Variants in ADAM18 observed in about 807,000 individuals in gnomAD.
ADAM18 encodes ADAM metallopeptidase domain 18.
Under a neutral mutation model 94.4 loss-of-function variants are expected in ADAM18, and 117 were observed. The ratio of observed to expected loss-of-function variants is 1.24; its 90% CI spans 1.07 to 1.45. The LOEUF is 1.45. ADAM18 is among the 40% of genes most tolerant of loss of function. ADAM18 has a pLI of 0.00. For missense variants in ADAM18, 936 were observed against 880.0 expected (o/e 1.06, Z -0.81); for synonymous variants, 327 against 291.6 (o/e 1.12, Z -1.24).
intron 18 of ADAM18, among the ~76,000 whole-genome samples, chr8:39,713,135 A>C (rs529055531): frequency 5.5e-4 from 83 of 152,228 alleles, no homozygotes; most frequent in South Asian, 6.2e-4. Flanking sequence ...AAATAACACC[A>C]CACATCTACA....
chr8:39,650,731 A>G (rs1200213034), intron 12 of ADAM18, among the ~76,000 whole-genome samples: 5 of 152,220 alleles, frequency 3.3e-5, no homozygotes, highest in Non-Finnish European at 5.9e-5. Flanking sequence ...TACATGTTCA[A>G]TGTAATCTCT....
At chr8:39,683,228 A>T (rs1260965782) in intron 16 of ADAM18, among the ~76,000 whole-genome samples, 1 of 152,242 alleles carries the variant, frequency 6.6e-6, no homozygotes, top group Non-Finnish European at 1.5e-5. Flanking sequence ...GGAAATGAGC[A>T]TGTTAATACA....
intron 17 of ADAM18, among the ~76,000 whole-genome samples, chr8:39,701,503 G>A (rs1325156919): frequency 6.6e-6 from 1 of 151,904 alleles, no homozygotes; most frequent in East Asian, 1.9e-4. Context: ...TTAAGTTCAA[G>A]GGTACGTGTG....
intron 18 of ADAM18, among the ~76,000 whole-genome samples, chr8:39,708,299 CAAAT>C (rs1293805526): frequency 1.3e-5 from 2 of 152,092 alleles, no homozygotes; most frequent in Non-Finnish European, 2.9e-5. Flanking sequence ...TCAATTAACT[CAAAT>C]AAGTTAGAAC....
intron 7 of ADAM18, among the ~76,000 whole-genome samples, chr8:39,633,090 A>G (rs1467975709): frequency 6.6e-6 from 1 of 152,120 alleles, no homozygotes; most frequent in African/African-American, 2.4e-5. Flanking sequence ...ACATAGCAAA[A>G]AGGTCCTCAC....
intron 6 of ADAM18, among the ~76,000 whole-genome samples, chr8:39,614,575 C>A (rs959910657): frequency 1.3e-5 from 2 of 152,084 alleles, no homozygotes; most frequent in Non-Finnish European, 2.9e-5. Flanking sequence ...TTCTTAACAG[C>A]CAGCTAACAA....
chr8:39,635,053 A>G (rs1233184785), intron 7 of ADAM18, among the ~76,000 whole-genome samples: 1 of 152,156 alleles, frequency 6.6e-6, no homozygotes, highest in African/African-American at 2.4e-5. Flanking sequence ...TACAGATGAG[A>G]TTAAGGCCCT....
chr8:39,658,465 T>C (rs972496550), intron 12 of ADAM18, among the ~76,000 whole-genome samples: 2 of 152,068 alleles, frequency 1.3e-5, no homozygotes, highest in Non-Finnish European at 2.9e-5. Flanking sequence ...GCTTTAAAGA[T>C]AGAGGAAAAA....
intron 12 of ADAM18, among the ~76,000 whole-genome samples, chr8:39,660,630 T>G (rs1178770886): frequency 6.6e-6 from 1 of 152,054 alleles, no homozygotes; most frequent in Non-Finnish European, 1.5e-5. Context: ...TAGATGGCAA[T>G]ACAGTATAAT....
At chr8:39,695,472 G>C (rs538851361) in intron 17 of ADAM18, among the ~76,000 whole-genome samples, 61 of 151,508 alleles carry the variant, frequency 4.0e-4, no homozygotes, top group African/African-American at 1.4e-3. Flanking sequence ...TTAATTTGCA[G>C]CTCTCTAATG....
At chr8:39,693,794 A>G (rs1821846569) in intron 17 of ADAM18, among the ~76,000 whole-genome samples, 1 of 151,184 alleles carries the variant, frequency 6.6e-6, no homozygotes. Flanking sequence ...TATATTTTGT[A>G]GTTAAAATGT....
chr8:39,650,083 T>C (rs1209135727), intron 12 of ADAM18, among the ~76,000 whole-genome samples: 2 of 152,170 alleles, frequency 1.3e-5, no homozygotes, highest in South Asian at 4.1e-4. Context: ...AAAAGGGAAT[T>C]TATTGAGTAA....
intron 16 of ADAM18, 59 bp from the exon 17 acceptor site, chr8:39,692,540 GT>G (rs1409304275): frequency 2.0e-5 from 21 of 1,062,276 alleles, no homozygotes; most frequent in African/African-American, 1.5e-4. Flanking sequence ...AATCATTAAT[GT>G]TTTTTCTTGT....
At position 39,645,301 on chromosome 8, in the gene ADAM18, CA is replaced by C. The variant is rs761573976; in HGVS notation, c.910-36del. On this transcript the variant is annotated intron_variant, in intron 10 of 19. Transcript: ENST00000265707. Reference sequence around the variant, plus strand: ...TTTCAAGTTATTACTTTTATTTTCACACATAATAATTTTCTTTTTCATGTCT... The same window carrying C: ...TTTCAAGTTATTACTTTTATTTTCACCATAATAATTTTCTTTTTCATGTCT... 3.9e-6 allele frequency: 6 copies of C among 1,526,638 alleles called. No individual in the cohort carries two copies. The Admixed American group carries it at 1.2e-4, about 29-fold the overall frequency. The allele number at this position is 1,526,638 out of a possible 1,614,324, so 94.6% of individuals were successfully genotyped here. A position where few individuals can be genotyped will look rare whatever the true frequency, so the allele number is the denominator to read the frequency against.
chr8:39,671,107 T>G (rs2129580291), intron 14 of ADAM18, among the ~76,000 whole-genome samples: 1 of 152,334 alleles, frequency 6.6e-6, no homozygotes, highest in South Asian at 2.1e-4. Flanking sequence ...CAATTAGATG[T>G]CAGCTCCTAG....
intron 2 of ADAM18, among the ~76,000 whole-genome samples, chr8:39,586,796 C>CTA (rs1327118651): frequency 1.5e-5 from 2 of 135,024 alleles, no homozygotes; most frequent in African/African-American, 5.1e-5. Flanking sequence ...ATCTATCTAT[C>CTA]TATCTATATC....
chr8:39,652,822 A>G (rs1820573979), intron 12 of ADAM18, among the ~76,000 whole-genome samples: 1 of 152,178 alleles, frequency 6.6e-6, no homozygotes, highest in Non-Finnish European at 1.5e-5. Flanking sequence ...TCTGGTAGAG[A>G]TACACAATGG....
chr8:39,610,656 A>C lies in ADAM18; in HGVS notation c.472A>C (p.Ser158Arg). The change falls in exon 6 of 20, where the codon AGT becomes CGT. Residue 158 changes from serine to arginine, a missense_variant. Physicochemically the swap from Ser to Arg is moderately radical, Grantham distance 110 (BLOSUM62 -1). Transcript: ENST00000265707. ...PNVSILAVNYSHIWQKDQPYK... is the reference protein window; with the variant it reads ...PNVSILAVNYRHIWQKDQPYK... ...TGTATCCATTTTAGCAGTAAATTAC[A>C]GTCATATTTGGCAGAAAGACCAGCC... The C allele has an allele frequency of 6.2e-7, 1 of 1,613,232 alleles. No homozygotes were observed. Among genetic ancestry groups the C allele is most frequent in the Non-Finnish European group, 8.5e-7 (1 of 1,179,436 alleles).
intron 12 of ADAM18, among the ~76,000 whole-genome samples, chr8:39,659,515 A>C (rs1445036589): frequency 6.6e-6 from 1 of 152,142 alleles, no homozygotes; most frequent in African/African-American, 2.4e-5. Flanking sequence ...AAGATAGTGA[A>C]CTTAATATAA....
Sources: allele counts gnomAD v4.1 joint callset (sites outside exome capture counted in the v4.1 genomes callset), GRCh38; gene constraint gnomAD v4.1.1; transcripts MANE v1.5; gene names NCBI Gene and HGNC (gene_info 2026-07-23, HGNC 2026-07-21).